RPTOR: variants seen among roughly 807,000 people sequenced by gnomAD.
RPTOR encodes regulatory-associated protein of mTOR.
RPTOR carries 21 observed loss-of-function variants against 169.9 expected under a neutral mutation model. The observed-to-expected ratio is 0.12, with a 90% CI of 0.09 to 0.18. RPTOR has a LOEUF of 0.18. Ranked by LOEUF, RPTOR falls within the 10% of genes least tolerant of loss-of-function variation. The pLI is 1.00. For missense variants in RPTOR, 1,133 were observed against 1,855.9 expected, an observed-to-expected ratio of 0.61 and a Z score of 7.16; for synonymous variants, 732 against 753.2, an observed-to-expected ratio of 0.97 and a Z score of 0.46.
At chr17:80,656,870 A>G (rs1278631466) in intron 3 of RPTOR, among the ~76,000 whole-genome samples, 1 of 152,212 alleles carries the variant, frequency 6.6e-6, no homozygotes, top group Non-Finnish European at 1.5e-5. Context: ...TGTCCGGAAC[A>G]CTTGTATTGA....
intron 9 of RPTOR, among the ~76,000 whole-genome samples, chr17:80,828,377 A>G (rs941282355): frequency 6.6e-6 from 1 of 152,198 alleles, no homozygotes. Context: ...CCTACAGAAC[A>G]GAGCCCTGGG....
At chr17:80,634,255 C>CGTGTGCGTACCGTGTGT (rs1315811937) in intron 2 of RPTOR, among the ~76,000 whole-genome samples, 1 of 26,434 alleles carries the variant, frequency 3.8e-5, no homozygotes, top group Non-Finnish European at 1.1e-4. Flanking sequence ...ATACTGTATG[C>CGTGTGCGTACCGTGTGT]GTGCATACCG....
intron 33 of RPTOR, 53 bp from the exon 34 acceptor site, chr17:80,964,209 C>T (rs1253042649): frequency 3.6e-5 from 48 of 1,325,432 alleles, no homozygotes; most frequent in South Asian, 1.8e-4. Flanking sequence ...CCCCGCCCCC[C>T]GCAGTGTCTG....
chr17:80,594,790 C>A (rs144718379), intron 1 of RPTOR, among the ~76,000 whole-genome samples: 207 of 152,338 alleles, frequency 1.4e-3, no homozygotes, highest in African/African-American at 4.8e-3. Flanking sequence ...AGTGGCTGCA[C>A]TGTGGCTCCA....
intron 1 of RPTOR, chr17:80,602,778 C>T (rs891733141): frequency 3.8e-5 from 27 of 714,926 alleles, no homozygotes; most frequent in Admixed American, 1.8e-4. Context: ...GTCAAATTTC[C>T]GAATCTCTCT....
intron 1 of RPTOR, among the ~76,000 whole-genome samples, chr17:80,575,780 T>C (rs1304110702): frequency 6.6e-6 from 1 of 152,250 alleles, no homozygotes; most frequent in Non-Finnish European, 1.5e-5. Flanking sequence ...TTTTTGACTG[T>C]TTCTATCAGT....
intron 9 of RPTOR, among the ~76,000 whole-genome samples, chr17:80,833,020 C>T (rs2067523360): frequency 6.6e-6 from 1 of 152,174 alleles, no homozygotes; most frequent in African/African-American, 2.4e-5. Context: ...TGCAAAGTCA[C>T]CGGGGAGTCA....
At chr17:80,690,691 G>A (rs991133301) in intron 3 of RPTOR, among the ~76,000 whole-genome samples, 1 of 152,036 alleles carries the variant, frequency 6.6e-6, no homozygotes, top group Non-Finnish European at 1.5e-5. Flanking sequence ...GTGGTGCTGT[G>A]TCCTTACTTT....
intron 24 of RPTOR, among the ~76,000 whole-genome samples, chr17:80,930,211 GCTCATC>G (rs2068863606): frequency 6.0e-5 from 1 of 16,796 alleles, no homozygotes; most frequent in Non-Finnish European, 1.2e-4. Context: ...CTCATCCCCA[GCTCATC>G]CTCAGCTCAT....
chr17:80,964,243 C>A lies in RPTOR; in HGVS notation c.3940-19C>A. On this transcript the variant is annotated intron_variant, in intron 33 of 33. Transcript: ENST00000306801. ...TGCCCGCACCTGAACCCCTGCTCAC[C>A]CCTTCTCTCTCCTTGCAGCCTCACC... 6.2e-7 allele frequency: 1 copy of A among 1,603,518 alleles called. No homozygotes were observed. Among genetic ancestry groups the A allele is most frequent in the Non-Finnish European group, 8.5e-7 (1 of 1,179,150 alleles).
chr17:80,546,479 TG>T (rs1441306704), intron 1 of RPTOR, among the ~76,000 whole-genome samples: 1 of 151,728 alleles, frequency 6.6e-6, no homozygotes, highest in Non-Finnish European at 1.5e-5. Flanking sequence ...CACAAGCAGC[TG>T]GTAGGAAAGA....
chr17:80,914,661 G>A (rs2068651809), intron 21 of RPTOR, among the ~76,000 whole-genome samples: 2 of 151,866 alleles, frequency 1.3e-5, no homozygotes, highest in East Asian at 1.9e-4. Flanking sequence ...TCGGGGCAGT[G>A]CTCACATGCC....
At chr17:80,681,958 G>A (rs1293334789) in intron 3 of RPTOR, among the ~76,000 whole-genome samples, 1 of 152,104 alleles carries the variant, frequency 6.6e-6, no homozygotes, top group Non-Finnish European at 1.5e-5. Context: ...GGTAAATGAT[G>A]TGGAATCTTC....
At chr17:80,937,242 C>G (rs1379486821) in intron 24 of RPTOR, among the ~76,000 whole-genome samples, 1 of 152,054 alleles carries the variant, frequency 6.6e-6, no homozygotes. Flanking sequence ...TTGCCTTCAC[C>G]CAAGTCTTTC....
intron 3 of RPTOR, among the ~76,000 whole-genome samples, chr17:80,681,485 G>A (rs941268174): frequency 3.3e-5 from 5 of 152,188 alleles, no homozygotes; most frequent in African/African-American, 7.2e-5. Flanking sequence ...GTGAGTTCTC[G>A]AGTGCTGCGG....
intron 7 of RPTOR, among the ~76,000 whole-genome samples, chr17:80,807,240 G>T (rs997852073): frequency 6.6e-6 from 1 of 152,122 alleles, no homozygotes; most frequent in Admixed American, 6.6e-5. Flanking sequence ...AAAGTATTTA[G>T]TTTGTTTACA....
At position 80,664,713 on chromosome 17, in the gene RPTOR, G is replaced by A. The variant is rs1386859875; in HGVS notation, c.348+20903G>A. Among the ~76,000 whole-genome samples, 4 of 152,182 alleles carry A rather than the reference G, an allele frequency of 2.6e-5. No homozygotes were observed. In the East Asian group the frequency reaches 7.7e-4, roughly 29 times the overall value. On this transcript the variant is annotated intron_variant, in intron 3 of 33. Transcript: ENST00000306801. ...ACGAAGGGAGTCTGAGTCTCCAAAG[G>A]AATCATGGCTGTTGGGAGTTTGCTT... is the stretch of plus-strand genomic sequence containing the variant.
At chr17:80,546,514 T>A (rs1162239675) in intron 1 of RPTOR, among the ~76,000 whole-genome samples, 1 of 71,778 alleles carries the variant, frequency 1.4e-5, no homozygotes, top group African/African-American at 3.5e-5. Flanking sequence ...TTGTTGGATT[T>A]GTCCTTCATA....
rs1016125612 is a variant in RPTOR at position 80,859,460 on chromosome 17, G to A, written c.1509+1560G>A. Among the ~76,000 whole-genome samples, 65 of 152,248 alleles carry A rather than the reference G, an allele frequency of 4.3e-4. 1 individual carries two copies. The highest frequency in any genetic ancestry group is 1.6e-4 in the Non-Finnish European group (11 of 68,044). On this transcript the variant is annotated intron_variant, in intron 13 of 33. Transcript: ENST00000306801. ...GAGATGCCTTTGCCTTTAGCTGTCCGTGTGCGGAGGGGCACACGTGTGTGA... is the reference window on the plus strand; with the variant it reads ...GAGATGCCTTTGCCTTTAGCTGTCCATGTGCGGAGGGGCACACGTGTGTGA...
Sources: allele counts gnomAD v4.1 joint callset (sites outside exome capture counted in the v4.1 genomes callset), GRCh38; gene constraint gnomAD v4.1.1; transcripts MANE v1.5; gene names NCBI Gene and HGNC (gene_info 2026-07-23, HGNC 2026-07-21).